BTBD1: variants seen among roughly 807,000 people sequenced by gnomAD.
BTBD1 encodes BTB domain containing 1.
In BTBD1, 34 loss-of-function variants were observed where a neutral mutation model predicts 48.0. The observed-to-expected ratio is 0.71, with a 90% CI of 0.54 to 0.94. The LOEUF (loss-of-function observed/expected upper bound fraction) is 0.94, where lower values mean the gene tolerates loss of function less well. Ranked by LOEUF, BTBD1 falls within the 40% of genes least tolerant of loss-of-function variation. The pLI, the probability that BTBD1 is intolerant of heterozygous loss-of-function variation, is 0.00. For synonymous variants in BTBD1, 261 were observed against 242.1 expected, an observed-to-expected ratio of 1.08 and a Z score of -0.72; for missense variants, 543 against 625.6, an observed-to-expected ratio of 0.87 and a Z score of 1.41.
chr15:83,056,191 C>T (rs1434512976), intron 2 of BTBD1, among the ~76,000 whole-genome samples, 198 bp downstream of exon 2: 1 of 152,190 alleles, frequency 6.6e-6, no homozygotes, highest in Admixed American at 6.5e-5. Context: ...AGGCGTGAAC[C>T]ACCATCCATG....
chr15:83,030,000 T>C (rs2032484192), intron 5 of BTBD1, 136 bp downstream of exon 5: 2 of 856,768 alleles, frequency 2.3e-6, no homozygotes, highest in African/African-American at 1.7e-5. Context: ...TTGACTCCTA[T>C]ATTAACTTAA....
rs532369677 is a variant in BTBD1, at chr15:83,045,677, T to A, written c.665-3752A>T. ...TAAACTGGTTACACATAATTTTTTTTAAAAATCAAACTTTAGTATCTCTTA... is the reference window on the plus strand; with the variant it reads ...TAAACTGGTTACACATAATTTTTTTAAAAAATCAAACTTTAGTATCTCTTA... On this transcript the variant is annotated intron_variant, in intron 3 of 7. Coordinates refer to ENST00000261721, the MANE Select transcript of BTBD1 (RefSeq NM_025238.4). Among the ~76,000 whole-genome samples the A allele has an allele frequency of 2.0e-3, 310 of 152,276 alleles. 7 individuals carry two copies. Among genetic ancestry groups the A allele is most frequent in the Admixed American group, 0.018 (281 of 15,298 alleles).
chr15:83,018,097 T>A lies in BTBD1; in HGVS notation c.1419A>T (p.Gly473=). The change falls in exon 8 of 8, where the codon GGA becomes GGT. Residue 473 remains glycine, a synonymous_variant. Coordinates refer to ENST00000261721, the MANE Select transcript of BTBD1 (RefSeq NM_025238.4). ...GNNNGTSIED[G]QIPEIIFYT is the part of the protein sequence containing the mutation. ...TATAAAATATGATTTCTGGAATTTG[T>A]CCATCTTCTATTGAAGTGCCATTAT... 6.2e-7 allele frequency: 1 copy of A among 1,607,926 alleles called. No homozygotes were observed. The highest frequency in any genetic ancestry group is 8.5e-7 in the Non-Finnish European group (1 of 1,176,550).
At chr15:83,051,397 A>ATG (rs1037750916) in intron 2 of BTBD1, among the ~76,000 whole-genome samples, 1 of 151,772 alleles carries the variant, frequency 6.6e-6, no homozygotes, top group African/African-American at 2.4e-5. Flanking sequence ...AACAATTATC[A>ATG]TGTGTTTTAT....
chr15:83,035,287 T>G (rs148341725), intron 4 of BTBD1, among the ~76,000 whole-genome samples: 2 of 151,908 alleles, frequency 1.3e-5, no homozygotes, highest in Non-Finnish European at 2.9e-5. Context: ...GAGTGAGACA[T>G]TGTCTCAAAA....
At chr15:83,046,427 G>A (rs1471587901) in intron 3 of BTBD1, among the ~76,000 whole-genome samples, 2 of 152,148 alleles carry the variant, frequency 1.3e-5, no homozygotes, top group Non-Finnish European at 2.9e-5. Context: ...ACAGCAGATT[G>A]TTTCATAAAT....
rs34590396 is a variant in BTBD1 at position 83,039,984 on chromosome 15, GACACACACACAC to G, written c.862+1732_862+1743del. Among the ~76,000 whole-genome samples, 72 of 146,212 alleles carry G rather than the reference GACACACACACAC, an allele frequency of 4.9e-4. No individual in the cohort carries two copies. The Middle Eastern group carries it at 0.021, about 43-fold the overall frequency. On this transcript the variant is annotated intron_variant, in intron 4 of 7. Transcript: ENST00000261721. Reference sequence around the variant, plus strand: ...CAGTGGTAGACTGGGTAGAGAATGTGACACACACACACACACACACACACACACACACGGACA... The same window carrying G: ...CAGTGGTAGACTGGGTAGAGAATGTGACACACACACACACACACACGGACA...
rs1298356588 is a variant in BTBD1, at chr15:83,016,810, A to C, written c.*1257T>G. The C allele has an allele frequency of 6.6e-6, 1 of 152,174 alleles. No homozygotes were observed. Among genetic ancestry groups the C allele is most frequent in the East Asian group, 1.9e-4 (1 of 5,198 alleles). 9.4% of individuals were successfully genotyped at this position (152,174 alleles called of 1,614,324 possible). ...ATATACCTACCTTCTTTACAATATAAAGTGAAATATTACTTTAGATGAAAA... is the reference window on the plus strand; with the variant it reads ...ATATACCTACCTTCTTTACAATATACAGTGAAATATTACTTTAGATGAAAA... On this transcript the variant is annotated 3_prime_UTR_variant, in exon 8 of 8. Transcript: ENST00000261721.
chr15:83,050,517 T>C, intron 2 of BTBD1, among the ~76,000 whole-genome samples: 1 of 152,036 alleles, frequency 6.6e-6, no homozygotes, highest in South Asian at 2.1e-4. Flanking sequence ...GAACCCTTTA[T>C]GTTAGATAAG....
intron 3 of BTBD1, 112 bp from the exon 4 acceptor site, chr15:83,042,037 A>G: frequency 1.2e-6 from 1 of 812,744 alleles, no homozygotes; most frequent in Non-Finnish European, 2.0e-6. Context: ...AAAATAGGTT[A>G]GACACTTAAA....
rs761083571 is a variant in BTBD1 at position 83,067,090 on chromosome 15, C to A, written c.62G>T (p.Gly21Val). Reference sequence around the variant, plus strand: ...GGGCGGCGGCGGCGGCCCCGCGGGGCCCGGCTCCGCCTCAGCCCCCGACGC... The same window carrying A: ...GGGCGGCGGCGGCGGCCCCGCGGGGACCGGCTCCGCCTCAGCCCCCGACGC... ...EQASGAEAEP[G>V]PAGPPPPPSP... is the part of the protein sequence containing the mutation. Residue 21 changes from glycine to valine, a missense_variant, in exon 1 of 8, where the codon GGC (glycine) becomes GTC (valine). Around this residue, in one of 3 missense-constraint regions of BTBD1, gnomAD observed 173 missense variants for 163.9 expected, o/e 1.06. Transcript: ENST00000261721. 6.6e-7 allele frequency: 1 copy of A among 1,516,118 alleles called. No individual in the cohort carries two copies. Among genetic ancestry groups the A allele is most frequent in the Non-Finnish European group, 8.8e-7 (1 of 1,138,856 alleles). 93.9% of individuals were successfully genotyped at this position (1,516,118 alleles called of 1,614,324 possible).
intron 3 of BTBD1, among the ~76,000 whole-genome samples, chr15:83,046,587 A>C (rs1481689768): frequency 6.6e-6 from 1 of 152,226 alleles, no homozygotes; most frequent in East Asian, 1.9e-4. Context: ...ATAAGGTGTA[A>C]GTTACCCAGA....
chr15:83,052,163 G>A (rs2033000079), intron 2 of BTBD1, among the ~76,000 whole-genome samples: 1 of 152,026 alleles, frequency 6.6e-6, no homozygotes, highest in South Asian at 2.1e-4. Context: ...CGCCATGTTG[G>A]CCAGGCTGGT....
intron 5 of BTBD1, among the ~76,000 whole-genome samples, chr15:83,022,850 A>G (rs1359747803): frequency 2.0e-5 from 3 of 151,764 alleles, no homozygotes; most frequent in Non-Finnish European, 4.4e-5. Context: ...AGTCCCAGCT[A>G]CTCAGGAGGC....
chr15:83,066,264 C>T (rs2033267527), intron 1 of BTBD1, among the ~76,000 whole-genome samples: 1 of 152,066 alleles, frequency 6.6e-6, no homozygotes, highest in African/African-American at 2.4e-5. Context: ...CGCGCTACAG[C>T]ATTCCAGCCT....
At chr15:83,020,512 T>A (rs2032273379) in intron 6 of BTBD1, 163 bp downstream of exon 6, 4 of 510,972 alleles carry the variant, frequency 7.8e-6, no homozygotes, top group Non-Finnish European at 1.4e-5. Context: ...CCAGACTTTT[T>A]AGATCAACTC....
chr15:83,042,434 A>C (rs2151307284), intron 3 of BTBD1, among the ~76,000 whole-genome samples: 1 of 147,438 alleles, frequency 6.8e-6, no homozygotes, highest in Non-Finnish European at 1.5e-5. Flanking sequence ...CTCAGGCTGG[A>C]GTGCAGAGGC....
chr15:83,017,349 T>C lies in BTBD1; in HGVS notation c.*718A>G, dbSNP rs1275306542. 1 of 152,658 alleles carries C rather than the reference T, an allele frequency of 6.6e-6. No individual in the cohort carries two copies. Among genetic ancestry groups the C allele is most frequent in the Non-Finnish European group, 1.5e-5 (1 of 68,048 alleles). The allele number at this position is 152,658 out of a possible 1,614,324, so 9.5% of individuals were successfully genotyped here. A position where few individuals can be genotyped will look rare whatever the true frequency, so the allele number is the denominator to read the frequency against. ...GAGAGACAGGTATAGTGGTGCAGTTTAGTGACAGGGAATCCAGTCTTAGAT... is the reference window on the plus strand; with the variant it reads ...GAGAGACAGGTATAGTGGTGCAGTTCAGTGACAGGGAATCCAGTCTTAGAT... On this transcript the variant is annotated 3_prime_UTR_variant, in exon 8 of 8. Coordinates refer to ENST00000261721, the MANE Select transcript of BTBD1 (RefSeq NM_025238.4).
intron 4 of BTBD1, among the ~76,000 whole-genome samples, chr15:83,039,142 G>A (rs1252054958): frequency 2.6e-5 from 4 of 151,760 alleles, no homozygotes; most frequent in Non-Finnish European, 2.9e-5. Context: ...GTTGGACAAA[G>A]GTCTAATATC....
Sources: allele counts gnomAD v4.1 joint callset (sites outside exome capture counted in the v4.1 genomes callset), GRCh38; gene constraint gnomAD v4.1.1; regional missense constraint gnomAD v4.1.1; transcripts MANE v1.5; gene names NCBI Gene and HGNC (gene_info 2026-07-23, HGNC 2026-07-21).